The following CACNA2D1 variants were observed in gnomAD, a reference collection of about 807,000 sequenced individuals.
The protein encoded by CACNA2D1 is voltage-dependent calcium channel subunit alpha-2/delta-1.
In CACNA2D1, 53 loss-of-function variants were observed where a neutral mutation model predicts 171.5. The ratio of observed to expected loss-of-function variants is 0.31; its 90% CI spans 0.25 to 0.39. The LOEUF (loss-of-function observed/expected upper bound fraction) is 0.39. Among genes scored for constraint, CACNA2D1 ranks in the 10% least tolerant of loss-of-function variants. The pLI, the probability that CACNA2D1 is intolerant of heterozygous loss-of-function variation, is 1.00. For missense variants in CACNA2D1, 903 were observed against 1,299.8 expected (o/e 0.69, Z 4.69); for synonymous variants, 442 against 443.1 (o/e 1.00, Z 0.03).
intron 1 of CACNA2D1, among the ~76,000 whole-genome samples, chr7:82,436,092 G>A (rs890981299): frequency 1.3e-5 from 2 of 152,106 alleles, no homozygotes; most frequent in Admixed American, 1.3e-4. Flanking sequence ...CCCTCAGTTT[G>A]TATTCTCAAC....
intron 11 of CACNA2D1, among the ~76,000 whole-genome samples, chr7:82,033,560 C>T (rs1176320192): frequency 2.0e-5 from 3 of 151,988 alleles, no homozygotes; most frequent in Non-Finnish European, 4.4e-5. Context: ...ATCACAAATC[C>T]TAACACTGGT....
At chr7:82,442,680 G>A (rs903031045) in intron 1 of CACNA2D1, among the ~76,000 whole-genome samples, 1 of 152,096 alleles carries the variant, frequency 6.6e-6, no homozygotes, top group Admixed American at 6.5e-5. Context: ...CAAAGAATAG[G>A]CTCTATTCAT....
intron 38 of CACNA2D1, 56 bp downstream of exon 38, chr7:81,959,219 T>G: frequency 8.1e-7 from 1 of 1,228,818 alleles, no homozygotes; most frequent in South Asian, 1.2e-5. Context: ...CTTGAATTCT[T>G]GCGGACAGTG....
chr7:82,069,655 C>G (rs576188889), intron 7 of CACNA2D1, among the ~76,000 whole-genome samples: 1 of 152,014 alleles, frequency 6.6e-6, no homozygotes, highest in East Asian at 1.9e-4. Flanking sequence ...TGAGAAAGTA[C>G]GCAGATTTTA....
chr7:82,031,013 G>A (rs542476350), intron 12 of CACNA2D1, among the ~76,000 whole-genome samples: 29 of 151,886 alleles, frequency 1.9e-4, no homozygotes, highest in Non-Finnish European at 3.2e-4. Context: ...CCTCTGTTAC[G>A]TATTCTCAAT....
chr7:82,156,296 T>C (rs1584946135), intron 4 of CACNA2D1, among the ~76,000 whole-genome samples: 1 of 152,288 alleles, frequency 6.6e-6, no homozygotes, highest in East Asian at 1.9e-4. Context: ...TGACTTCTCT[T>C]TACTCTAGCT....
intron 4 of CACNA2D1, among the ~76,000 whole-genome samples, chr7:82,139,321 T>C (rs1032451516): frequency 1.3e-5 from 2 of 152,220 alleles, no homozygotes; most frequent in African/African-American, 2.4e-5. Context: ...GTTACAAGTA[T>C]GATTTTTTAA....
chr7:82,101,612 T>A (rs1026235607), intron 6 of CACNA2D1, among the ~76,000 whole-genome samples: 28 of 152,194 alleles, frequency 1.8e-4, no homozygotes, highest in African/African-American at 6.0e-4. Flanking sequence ...GGTTTTATCC[T>A]TTGTGATCTT....
intron 1 of CACNA2D1, among the ~76,000 whole-genome samples, chr7:82,418,815 C>G (rs991670982): frequency 6.6e-6 from 1 of 152,112 alleles, no homozygotes; most frequent in East Asian, 1.9e-4. Context: ...AATTTCAGAG[C>G]CACATATAAG....
chr7:82,182,853 T>C (rs532068801), intron 3 of CACNA2D1, among the ~76,000 whole-genome samples: 2 of 151,936 alleles, frequency 1.3e-5, no homozygotes, highest in South Asian at 2.1e-4. Flanking sequence ...CTGGCCAACA[T>C]AGTGAAACCC....
intron 7 of CACNA2D1, among the ~76,000 whole-genome samples, chr7:82,076,989 C>T (rs1809043221): frequency 6.6e-6 from 1 of 152,086 alleles, no homozygotes; most frequent in Admixed American, 6.6e-5. Context: ...TCCATAATTA[C>T]CTCTTCTTTT....
chr7:82,130,112 G>C (rs1450688847), intron 5 of CACNA2D1, among the ~76,000 whole-genome samples: 1 of 152,190 alleles, frequency 6.6e-6, no homozygotes, highest in Non-Finnish European at 1.5e-5. Context: ...TGTGTGAAAT[G>C]AAGCTTTAAT....
Position 82,060,201 on chromosome 7 carries a change from T to TTATATATATATAATATATATATATTA in CACNA2D1, c.879+226_879+227insTAATATATATATATTATATATATATA, listed in dbSNP as rs1554381943. Among the ~76,000 whole-genome samples, 3 of 10,398 alleles carry TTATATATATATAATATATATATATTA rather than the reference T, an allele frequency of 2.9e-4. 1 individual carries two copies. The highest frequency in any genetic ancestry group is 6.9e-3 in the Admixed American group (2 of 290). 6.8% of individuals were successfully genotyped at this position (10,398 alleles called of 152,430 possible). On this transcript the variant is annotated intron_variant, in intron 10 of 38. Coordinates refer to ENST00000356860, the MANE Select transcript of CACNA2D1 (RefSeq NM_000722.4). Reference sequence around the variant, plus strand: ...ATAATATATATATATTATATATATATTATATATATAATATATATATAATAT... The same window carrying TTATATATATATAATATATATATATTA: ...ATAATATATATATATTATATATATATTATATATATATAATATATATATATTATATATATATAATATATATATAATAT...
chr7:82,122,708 G>A (rs1789879535), intron 5 of CACNA2D1, among the ~76,000 whole-genome samples: 1 of 152,126 alleles, frequency 6.6e-6, no homozygotes, highest in South Asian at 2.1e-4. Flanking sequence ...GATTGTAAAA[G>A]GCACTATGTG....
chr7:82,380,040 C>T (rs1823513024), intron 1 of CACNA2D1, among the ~76,000 whole-genome samples: 1 of 152,098 alleles, frequency 6.6e-6, no homozygotes, highest in Admixed American at 6.5e-5. Flanking sequence ...CATCCCATAA[C>T]CCACCTTCTC....
intron 6 of CACNA2D1, among the ~76,000 whole-genome samples, chr7:82,114,464 G>A (rs1302272231): frequency 6.6e-6 from 1 of 152,160 alleles, no homozygotes; most frequent in East Asian, 1.9e-4. Flanking sequence ...AAGTAAAGAG[G>A]GCCGGCGTGG....
chr7:82,164,761 C>T (rs1056762902), intron 4 of CACNA2D1, among the ~76,000 whole-genome samples: 1 of 151,898 alleles, frequency 6.6e-6, no homozygotes, highest in Non-Finnish European at 1.5e-5. Flanking sequence ...TGGAGTAAAT[C>T]TTCTTAGATT....
Position 82,388,447 on chromosome 7 carries a change from C to T in CACNA2D1, c.96-38798G>A, listed in dbSNP as rs562752201. Among the ~76,000 whole-genome samples the T allele has an allele frequency of 3.3e-5, 5 of 152,224 alleles. No homozygotes were observed. In the East Asian group the frequency reaches 5.8e-4, roughly 18 times the overall value. On this transcript the variant is annotated intron_variant, in intron 1 of 38. Transcript: ENST00000356860. Reference sequence around the variant, plus strand: ...TGAAAATAAATTCAGGTTGATTTTTCGTTTTTCACATTATTGTCCACTTCA... The same window carrying T: ...TGAAAATAAATTCAGGTTGATTTTTTGTTTTTCACATTATTGTCCACTTCA...
chr7:82,432,511 T>G (rs1022902955), intron 1 of CACNA2D1, among the ~76,000 whole-genome samples: 1 of 152,226 alleles, frequency 6.6e-6, no homozygotes, highest in Non-Finnish European at 1.5e-5. Context: ...TGTCAGTTTT[T>G]TGTTTGTTTA....
Sources: allele counts gnomAD v4.1 joint callset (sites outside exome capture counted in the v4.1 genomes callset), GRCh38; gene constraint gnomAD v4.1.1; transcripts MANE v1.5; gene names NCBI Gene and HGNC (gene_info 2026-07-23, HGNC 2026-07-21).